Variants in ECHDC1 observed in about 807,000 individuals in gnomAD.
ECHDC1 encodes the protein ethylmalonyl-CoA decarboxylase.
A neutral mutation model predicts 29.7 loss-of-function variants in ECHDC1; 29 were observed. The ratio of observed to expected loss-of-function variants is 0.98; its 90% confidence interval spans 0.73 to 1.33. ECHDC1 has a LOEUF of 1.33. Among genes scored for constraint, ECHDC1 ranks in the 40% most tolerant of loss-of-function variants. ECHDC1 has a pLI of 0.00. For missense variants in ECHDC1, 328 were observed against 350.0 expected (o/e 0.94, Z 0.50); for synonymous variants, 126 against 123.1 (o/e 1.02, Z -0.15).
intron 3 of ECHDC1, among the ~76,000 whole-genome samples, chr6:127,318,309 C>T (rs1387287037): frequency 6.6e-6 from 1 of 152,166 alleles, no homozygotes; most frequent in East Asian, 1.9e-4. Context: ...ATGCCCAGAT[C>T]ATATAATATT....
chr6:127,291,711 A>G (rs1027376754), intron 5 of ECHDC1, among the ~76,000 whole-genome samples: 3 of 152,130 alleles, frequency 2.0e-5, no homozygotes, highest in Non-Finnish European at 4.4e-5. Context: ...TAAATACTCA[A>G]ATGCAGGTGA....
intron 3 of ECHDC1, among the ~76,000 whole-genome samples, chr6:127,319,145 G>A (rs1474790915): frequency 1.3e-5 from 2 of 152,124 alleles, no homozygotes; most frequent in Admixed American, 1.3e-4. Flanking sequence ...CAAAAGGCAC[G>A]CTAAAAATGT....
intron 1 of ECHDC1, 38 bp from the exon 2 acceptor site, chr6:127,331,068 A>AT (rs1783892262): frequency 3.3e-6 from 5 of 1,495,830 alleles, no homozygotes; most frequent in Non-Finnish European, 4.6e-6. Context: ...GTATAGATGA[A>AT]TAGGCACTCA....
At chr6:127,306,285 C>T (rs1364443027) in intron 5 of ECHDC1, among the ~76,000 whole-genome samples, 10 of 152,112 alleles carry the variant, frequency 6.6e-5, no homozygotes, top group Non-Finnish European at 1.0e-4. Flanking sequence ...ATCACTGGAG[C>T]ACCCAGATAT....
At chr6:127,341,573 C>G (rs1410636825) in intron 1 of ECHDC1, 1 of 152,128 alleles carries the variant, frequency 6.6e-6, no homozygotes, top group African/African-American at 2.4e-5. Flanking sequence ...ACTTGCCATG[C>G]AGGATGTCTT....
At chr6:127,326,661 T>C (rs1783368480) in intron 3 of ECHDC1, 1 of 385,390 alleles carries the variant, frequency 2.6e-6, no homozygotes, top group East Asian at 6.9e-5. Flanking sequence ...AAGTGGGGCA[T>C]TTGAGGGGGC....
At chr6:127,341,522 C>A (rs911970219) in intron 1 of ECHDC1, 1 of 152,130 alleles carries the variant, frequency 6.6e-6, no homozygotes, top group Non-Finnish European at 1.5e-5. Flanking sequence ...GAAGCATTTA[C>A]AATTTTATAA....
intron 5 of ECHDC1, chr6:127,312,921 A>C (rs1782058616): frequency 6.6e-6 from 1 of 152,194 alleles, no homozygotes; most frequent in Non-Finnish European, 1.5e-5. Context: ...CAGACATTAA[A>C]AAGTACATAC....
chr6:127,293,276 C>CA (rs891661807), intron 5 of ECHDC1, among the ~76,000 whole-genome samples: 3 of 151,828 alleles, frequency 2.0e-5, no homozygotes, highest in Non-Finnish European at 2.9e-5. Flanking sequence ...GGAAAAGTTG[C>CA]AAAAAAACAG....
chr6:127,341,638 A>G (rs1216740349), intron 1 of ECHDC1: 1 of 152,202 alleles, frequency 6.6e-6, no homozygotes, highest in Non-Finnish European at 1.5e-5. Context: ...CTACCAAGCC[A>G]CTGAAAAGAG....
At chr6:127,339,822 C>G (rs1047491099) in intron 1 of ECHDC1, among the ~76,000 whole-genome samples, 2 of 151,534 alleles carry the variant, frequency 1.3e-5, no homozygotes, top group African/African-American at 2.4e-5. Context: ...AACTATTTCA[C>G]TGTTGGGGTT....
At chr6:127,300,996 TACC>T (rs10587800) in intron 5 of ECHDC1, among the ~76,000 whole-genome samples, 110,658 of 151,816 alleles carry the variant, frequency 0.73, 40,501 homozygotes, top group East Asian at 0.78. Context: ...GAGGCTATAT[TACC>T]ACATTTCTAG....
At position 127,306,289 on chromosome 6, in the gene ECHDC1, C is replaced by T. The variant is rs572353559; in HGVS notation, c.497+8527G>A. 6.6e-5 allele frequency among the ~76,000 whole-genome samples: 10 copies of T among 152,158 alleles called. 1 individual carries two copies. The highest frequency in any genetic ancestry group is 4.2e-4 in the South Asian group (2 of 4,818). ...TTATGCCACCCATCACTGGAGCACC[C>T]AGATATATACAGGAAACATTATTAG... On this transcript the variant is annotated intron_variant, in intron 5 of 5. Coordinates refer to ENST00000454859, the MANE Select transcript of ECHDC1 (RefSeq NM_001002030.2).
intron 1 of ECHDC1, among the ~76,000 whole-genome samples, chr6:127,335,122 A>G (rs1784320009): frequency 6.6e-6 from 1 of 152,134 alleles, no homozygotes; most frequent in Non-Finnish European, 1.5e-5. Flanking sequence ...ATGGTATCAG[A>G]AACTGACAGA....
chr6:127,313,760 T>C (rs1004633414), intron 5 of ECHDC1, among the ~76,000 whole-genome samples: 4 of 152,176 alleles, frequency 2.6e-5, no homozygotes, highest in Admixed American at 6.5e-5. Context: ...TATGCCACAA[T>C]GTTATCATAT....
At chr6:127,318,362 T>G (rs566967541) in intron 3 of ECHDC1, among the ~76,000 whole-genome samples, 1 of 152,356 alleles carries the variant, frequency 6.6e-6, no homozygotes, top group African/African-American at 2.4e-5. Flanking sequence ...CAATTTTCTC[T>G]TTTGTGTTTC....
intron 1 of ECHDC1, among the ~76,000 whole-genome samples, chr6:127,340,582 T>C (rs1784843631): frequency 6.6e-6 from 1 of 152,218 alleles, no homozygotes; most frequent in African/African-American, 2.4e-5. Flanking sequence ...ATAGCATGCC[T>C]AGGGTCTTGC....
At chr6:127,306,388 G>A (rs971498052) in intron 5 of ECHDC1, among the ~76,000 whole-genome samples, 4 of 152,060 alleles carry the variant, frequency 2.6e-5, no homozygotes, top group East Asian at 1.9e-4. Flanking sequence ...CATTTGATAC[G>A]GTTTGGATTT....
chr6:127,291,276 C>CTTTTTTTT (rs57066162), intron 5 of ECHDC1, among the ~76,000 whole-genome samples: 1 of 133,280 alleles, frequency 7.5e-6, no homozygotes. Context: ...GCTCTTATAC[C>CTTTTTTTT]TTTTTTTTTT....
Sources: allele counts gnomAD v4.1 joint callset (sites outside exome capture counted in the v4.1 genomes callset), GRCh38; gene constraint gnomAD v4.1.1; transcripts MANE v1.5; gene names NCBI Gene and HGNC (gene_info 2026-07-23, HGNC 2026-07-21).